ZFP30: variants seen among roughly 807,000 people sequenced by gnomAD.
The protein encoded by ZFP30 is ZFP30 zinc finger protein.
In ZFP30, 16 loss-of-function variants were observed where a neutral mutation model predicts 12.3. The ratio of observed to expected loss-of-function variants is 1.30; its 90% CI spans 0.88 to 1.98. The LOEUF is 1.98. Ranked by LOEUF, ZFP30 falls within the 30% of genes most tolerant of loss-of-function variation. ZFP30 has a pLI of 0.00. For missense variants in ZFP30, 560 were observed against 611.2 expected (o/e 0.92, Z 0.88); for synonymous variants, 172 against 201.0 (o/e 0.86, Z 1.22).
At position 37,635,278 on chromosome 19, in the gene ZFP30, C is replaced by T. The variant is rs150473723; in HGVS notation, c.1263G>A (p.Leu421=). 89 of 1,614,108 alleles carry T rather than the reference C, an allele frequency of 5.5e-5. 1 individual carries two copies. In the South Asian group the frequency reaches 8.9e-4, roughly 16 times the overall value. The change falls in exon 6 of 6, where the codon CTG becomes CTA. Residue 421 remains leucine (L), a synonymous_variant. Transcript: ENST00000684514. ...TCTGATGTTGAGTAAGCTGTGAGAA[C>T]AGCCTAAATGCCTTCCCACATTCCT... is the stretch of plus-strand genomic sequence containing the variant. ...ECKECGKAFR[L]FSQLTQHQSI...
In ZFP30 at chr19:37,635,141, T is replaced by TC. The variant is rs2044294161; in HGVS notation, c.1399dup (p.Asp467GlyfsTer3). ...AAAGGCCTTTCCACATTCCTTACAG[T>TC]CATAGGGCTTTTCACCAGTATGAAT... On this transcript the variant is annotated frameshift_variant, in exon 6 of 6. Coordinates refer to ENST00000684514, the MANE Select transcript of ZFP30 (RefSeq NM_001320669.3). LOFTEE classifies it high-confidence loss of function. The TC allele has an allele frequency of 6.2e-7, 1 of 1,612,894 alleles. No homozygotes were observed. Among genetic ancestry groups the TC allele is most frequent in the African/African-American group, 1.3e-5 (1 of 75,008 alleles).
chr19:37,638,745 TAC>T (rs1408900849), intron 5 of ZFP30, among the ~76,000 whole-genome samples: 1 of 152,114 alleles, frequency 6.6e-6, no homozygotes, highest in African/African-American at 2.4e-5. Context: ...ATCTATACTG[TAC>T]AATTCCATTT....
At chr19:37,651,669 G>A (rs948262264) in intron 2 of ZFP30, 3 of 151,764 alleles carry the variant, frequency 2.0e-5, no homozygotes, top group Admixed American at 2.0e-4. Flanking sequence ...TCAAATACCT[G>A]TATCCCACCT....
intron 3 of ZFP30, 122 bp downstream of exon 3, chr19:37,647,692 G>C: frequency 8.0e-7 from 1 of 1,255,842 alleles, no homozygotes. Context: ...CTGGAATGGG[G>C]AAGACTGGGG....
intron 5 of ZFP30, among the ~76,000 whole-genome samples, chr19:37,643,052 C>CAAAA (rs951396776): frequency 1.6e-5 from 1 of 61,414 alleles, no homozygotes; most frequent in African/African-American, 6.7e-5. Context: ...GACTCCGTCT[C>CAAAA]AAAAAAAAAA....
At position 37,635,194 on chromosome 19, in the gene ZFP30, C is replaced by A. The variant is rs764213834; in HGVS notation, c.1347G>T (p.Leu449=). 2.5e-5 allele frequency: 41 copies of A among 1,611,882 alleles called. 1 individual carries two copies. In the South Asian group the frequency reaches 4.5e-4, roughly 18 times the overall value. Residue 449 remains leucine (L), a synonymous_variant, in exon 6 of 6, where the codon CTG becomes CTT. Coordinates refer to ENST00000684514, the MANE Select transcript of ZFP30 (RefSeq NM_001320669.3). Reference sequence around the variant, plus strand: ...TTTGATGTTGGGTAAGTTGTGAAAGCAGTCTAAAAGTCTTCTCACATTCCT... The same window carrying A: ...TTTGATGTTGGGTAAGTTGTGAAAGAAGTCTAAAAGTCTTCTCACATTCCT... ...KCKECEKTFR[L]LSQLTQHQSI... is the part of the protein sequence containing the mutation.
Position 37,632,558 on chromosome 19 carries a change from C to G in ZFP30, c.*2423G>C, listed in dbSNP as rs1217228486. ...ACGTGAGCTACATATATAAATTTTC[C>G]TATAACAATTTTAAAAACAAAAAAG... On this transcript the variant is annotated 3_prime_UTR_variant, in exon 6 of 6. Coordinates refer to ENST00000684514, the MANE Select transcript of ZFP30 (RefSeq NM_001320669.3). 1 of 152,034 alleles carries G rather than the reference C, an allele frequency of 6.6e-6. No homozygotes were observed. Among genetic ancestry groups the G allele is most frequent in the East Asian group, 1.9e-4 (1 of 5,196 alleles). 9.4% of individuals were successfully genotyped at this position (152,034 alleles called of 1,614,324 possible).
intron 3 of ZFP30, 78 bp from the exon 4 acceptor site, chr19:37,644,814 T>G: frequency 7.0e-7 from 1 of 1,425,856 alleles, no homozygotes; most frequent in Non-Finnish European, 9.5e-7. Flanking sequence ...CTGGGTGTAG[T>G]GGCTCAATGC....
chr19:37,648,104 CAG>C (rs779557681), intron 2 of ZFP30, among the ~76,000 whole-genome samples: 120 of 152,330 alleles, frequency 7.9e-4, no homozygotes, highest in Non-Finnish European at 1.4e-3. Context: ...AATTGAAGAG[CAG>C]AGACTCTGCG....
intron 5 of ZFP30, among the ~76,000 whole-genome samples, chr19:37,637,981 T>G (rs1200329822): frequency 6.6e-6 from 1 of 152,234 alleles, no homozygotes; most frequent in Non-Finnish European, 1.5e-5. Flanking sequence ...TTATGGCATA[T>G]GGTATCCTGC....
rs773306610 is a variant in ZFP30 at position 37,644,738 on chromosome 19, T to C, written c.10-2A>G. The C allele has an allele frequency of 7.5e-6, 12 of 1,604,740 alleles. No homozygotes were observed. On this transcript the variant is annotated splice_acceptor_variant, in intron 3 of 5. Transcript: ENST00000684514. LOFTEE classifies it high-confidence loss of function. ...CACATCTCTGAACATCACCAAATCCTGAAATGATAAACGCATGTATTATTT... is the reference window on the plus strand; with the variant it reads ...CACATCTCTGAACATCACCAAATCCCGAAATGATAAACGCATGTATTATTT...
chr19:37,636,213 T>C lies in ZFP30; in HGVS notation c.328A>G (p.Lys110Glu), dbSNP rs2044323251. The change falls in exon 6 of 6, where the codon AAA becomes GAA. Residue 110 changes from lysine to glutamate, a missense_variant. Lys to Glu is a moderately conservative substitution (Grantham distance 56). Coordinates refer to ENST00000684514, the MANE Select transcript of ZFP30 (RefSeq NM_001320669.3). The part of the protein sequence containing the change: ...LSQWKVMERI[K>E]SCGLEEQESP... ...TCTTGTTCTTCAAGTCCACAGCTTT[T>C]AATTCTTTCCATTACCTTCCACTGA... 8.1e-6 allele frequency: 13 copies of C among 1,614,134 alleles called. No homozygotes were observed. Among genetic ancestry groups the C allele is most frequent in the South Asian group, 6.6e-5 (6 of 91,080 alleles).
Position 37,636,308 on chromosome 19 carries a change from G to C in ZFP30, c.236-3C>G, listed in dbSNP as rs2044325407. On this transcript the variant is annotated splice_region_variant and splice_polypyrimidine_tract_variant and intron_variant, in intron 5 of 5. Transcript: ENST00000684514. ...AGTGTCATATCTGGATTCCAAATCT[G>C]AAAGAAAACAAGACCAAAACATATT... 2 of 1,529,434 alleles carry C rather than the reference G, an allele frequency of 1.3e-6. No individual in the cohort carries two copies. The highest frequency in any genetic ancestry group is 4.1e-4 in the Middle Eastern group (2 of 4,902). The allele number at this position is 1,529,434 out of a possible 1,614,324, so 94.7% of individuals were successfully genotyped here. A position where few individuals can be genotyped will look rare whatever the true frequency, so the allele number is the denominator to read the frequency against.
At chr19:37,645,853 C>T (rs931127914) in intron 3 of ZFP30, among the ~76,000 whole-genome samples, 1 of 151,868 alleles carries the variant, frequency 6.6e-6, no homozygotes, top group Non-Finnish European at 1.5e-5. Context: ...TTAAAAATGT[C>T]TTCTAGATGT....
In ZFP30 at chr19:37,635,703, TA is replaced by T. The variant is rs1459529255; in HGVS notation, c.837del (p.Phe279LeufsTer13). 1.2e-6 allele frequency: 2 copies of T among 1,614,224 alleles called. No individual in the cohort carries two copies. Among genetic ancestry groups the T allele is most frequent in the South Asian group, 2.2e-5 (2 of 91,082 alleles). On this transcript the variant is annotated frameshift_variant, in exon 6 of 6. Transcript: ENST00000684514. LOFTEE classifies it low-confidence loss of function (END_TRUNC). Reference sequence around the variant, plus strand: ...TGTCGAGTAAGGTGTGCATACTGCCTAAAGGCCTTCCCACATTCTTTACATT... The same window carrying T: ...TGTCGAGTAAGGTGTGCATACTGCCTAAGGCCTTCCCACATTCTTTACATT... ...PYECKECGKA[F>X]RQYAHLTRHQ...
At chr19:37,649,420 A>T (rs2044605098) in intron 2 of ZFP30, among the ~76,000 whole-genome samples, 2 of 152,192 alleles carry the variant, frequency 1.3e-5, no homozygotes, top group African/African-American at 4.8e-5. Flanking sequence ...CAATGATATG[A>T]TGTACAAAGA....
At chr19:37,645,965 T>C (rs919387920) in intron 3 of ZFP30, among the ~76,000 whole-genome samples, 2 of 152,196 alleles carry the variant, frequency 1.3e-5, no homozygotes, top group African/African-American at 4.8e-5. Context: ...TACTCATGGT[T>C]TTGCTTTCCT....
intron 5 of ZFP30, among the ~76,000 whole-genome samples, chr19:37,642,516 T>G (rs1047594337): frequency 6.6e-6 from 1 of 152,174 alleles, no homozygotes; most frequent in African/African-American, 2.4e-5. Context: ...TCATAATACC[T>G]AATTACTTCA....
chr19:37,652,762 T>C (rs566487479), intron 2 of ZFP30, among the ~76,000 whole-genome samples: 94 of 152,234 alleles, frequency 6.2e-4, no homozygotes, highest in Non-Finnish European at 1.1e-3. Flanking sequence ...ATCAGAAATA[T>C]TTTAAAAAGC....
Sources: allele counts gnomAD v4.1 joint callset (sites outside exome capture counted in the v4.1 genomes callset), GRCh38; gene constraint gnomAD v4.1.1; transcripts MANE v1.5; gene names NCBI Gene and HGNC (gene_info 2026-07-23, HGNC 2026-07-21).